PDSS2: variants seen among roughly 807,000 people sequenced by gnomAD.
PDSS2 encodes decaprenyl diphosphate synthase subunit 2.
Under a neutral mutation model 44.5 loss-of-function variants are expected in PDSS2, and 31 were observed. The observed-to-expected ratio is 0.70, with a 90% CI of 0.52 to 0.94. The LOEUF (loss-of-function observed/expected upper bound fraction) is 0.94, where lower values mean the gene tolerates loss of function less well. Ranked by LOEUF, PDSS2 falls within the 40% of genes least tolerant of loss-of-function variation. PDSS2 has a pLI of 0.00. For synonymous variants in PDSS2, 157 were observed against 180.3 expected (o/e 0.87, Z 1.03); for missense variants, 452 against 482.2 (o/e 0.94, Z 0.59).
chr6:107,187,582 T>C (rs1265723629), intron 7 of PDSS2, among the ~76,000 whole-genome samples: 3 of 151,716 alleles, frequency 2.0e-5, no homozygotes, highest in African/African-American at 7.3e-5. Flanking sequence ...GGAGATTGCT[T>C]GAACCCAGGA....
At chr6:107,263,780 T>C (rs188322475) in intron 3 of PDSS2, among the ~76,000 whole-genome samples, 4 of 152,328 alleles carry the variant, frequency 2.6e-5, no homozygotes, top group African/African-American at 9.6e-5. Context: ...GTGACTATAT[T>C]AGCAAATCAG....
intron 3 of PDSS2, among the ~76,000 whole-genome samples, chr6:107,250,050 A>G (rs1271735522): frequency 6.6e-6 from 1 of 152,102 alleles, no homozygotes; most frequent in Non-Finnish European, 1.5e-5. Flanking sequence ...ATGATTTTTT[A>G]CACTGAAAAA....
intron 1 of PDSS2, among the ~76,000 whole-genome samples, chr6:107,374,252 A>AC (rs1162672721): frequency 9.3e-6 from 1 of 107,562 alleles, no homozygotes; most frequent in Non-Finnish European, 2.2e-5. Context: ...AGACTCCATC[A>AC]CAAAAAAAAA....
intron 2 of PDSS2, among the ~76,000 whole-genome samples, chr6:107,288,850 A>G (rs911732593): frequency 7.3e-6 from 1 of 137,224 alleles, no homozygotes; most frequent in African/African-American, 2.8e-5. Context: ...ACCTCCGCCT[A>G]CCGGATTCAA....
At chr6:107,168,209 A>T (rs1229692583) in intron 7 of PDSS2, among the ~76,000 whole-genome samples, 1 of 152,102 alleles carries the variant, frequency 6.6e-6, no homozygotes, top group Non-Finnish European at 1.5e-5. Context: ...TCTTGTTGAA[A>T]TGATCCCTTT....
intron 2 of PDSS2, among the ~76,000 whole-genome samples, chr6:107,316,043 T>TA (rs1221406421): frequency 3.3e-5 from 5 of 152,266 alleles, no homozygotes; most frequent in South Asian, 2.1e-4. Flanking sequence ...TGGATCATGT[T>TA]AAAAAAATAA....
At chr6:107,169,753 T>C (rs1204589007) in intron 7 of PDSS2, among the ~76,000 whole-genome samples, 1 of 152,194 alleles carries the variant, frequency 6.6e-6, no homozygotes, top group Non-Finnish European at 1.5e-5. Flanking sequence ...CTCCAGACCC[T>C]GTTTGCCTGG....
At chr6:107,457,323 G>C (rs1365016819) in intron 1 of PDSS2, among the ~76,000 whole-genome samples, 1 of 152,164 alleles carries the variant, frequency 6.6e-6, no homozygotes, top group Non-Finnish European at 1.5e-5. Flanking sequence ...TTACCATTGG[G>C]AGAAACAGGG....
chr6:107,331,927 T>C (rs1044408300), intron 2 of PDSS2, among the ~76,000 whole-genome samples: 5 of 151,928 alleles, frequency 3.3e-5, no homozygotes, highest in Non-Finnish European at 5.9e-5. Context: ...GTCAGCAGAC[T>C]GAAAATCAAT....
intron 2 of PDSS2, among the ~76,000 whole-genome samples, chr6:107,293,415 G>A (rs555129836): frequency 2.6e-5 from 4 of 152,324 alleles, no homozygotes; most frequent in African/African-American, 9.6e-5. Flanking sequence ...CACATTCTGT[G>A]TCAAAGTTTT....
intron 4 of PDSS2, among the ~76,000 whole-genome samples, chr6:107,243,283 C>A (rs1456206797): frequency 6.6e-6 from 1 of 152,106 alleles, no homozygotes; most frequent in Non-Finnish European, 1.5e-5. Flanking sequence ...AATGGGAATA[C>A]CAACAAATGT....
rs543590329 is a variant in PDSS2, at chr6:107,425,395, A to G, written c.296+33595T>C. 2.6e-5 allele frequency among the ~76,000 whole-genome samples: 4 copies of G among 152,356 alleles called. No individual in the cohort carries two copies. In the South Asian group the frequency reaches 8.3e-4, roughly 32 times the overall value. On this transcript the variant is annotated intron_variant, in intron 1 of 7. Transcript: ENST00000369037. ...TTGAATGGCTTTGACAAAAATGCTG[A>G]CAGTGATATGAACAATAAGATCCAG...
At chr6:107,329,499 C>T (rs1024278822) in intron 2 of PDSS2, among the ~76,000 whole-genome samples, 2 of 152,158 alleles carry the variant, frequency 1.3e-5, no homozygotes, top group Non-Finnish European at 2.9e-5. Context: ...GTTCACAGGG[C>T]ATTCTCCCTG....
At chr6:107,337,610 T>C (rs923845067) in intron 1 of PDSS2, among the ~76,000 whole-genome samples, 2 of 152,186 alleles carry the variant, frequency 1.3e-5, no homozygotes, top group Non-Finnish European at 2.9e-5. Context: ...AAGCACATGG[T>C]TGGTGATCAA....
intron 1 of PDSS2, among the ~76,000 whole-genome samples, chr6:107,340,181 AAAT>A (rs1266167557): frequency 6.6e-6 from 1 of 152,216 alleles, no homozygotes; most frequent in Non-Finnish European, 1.5e-5. Flanking sequence ...CACTAATTTT[AAAT>A]AATATTATTC....
intron 4 of PDSS2, among the ~76,000 whole-genome samples, chr6:107,240,863 T>C (rs1327629560): frequency 6.6e-6 from 1 of 152,076 alleles, no homozygotes; most frequent in Admixed American, 6.6e-5. Flanking sequence ...AATGAGCAAA[T>C]GGTTCACAAA....
intron 1 of PDSS2, among the ~76,000 whole-genome samples, chr6:107,425,422 C>A (rs1780966070): frequency 1.3e-5 from 2 of 152,134 alleles, no homozygotes; most frequent in African/African-American, 4.8e-5. Context: ...AAGATCCAGG[C>A]TGAGGTGGTC....
intron 2 of PDSS2, among the ~76,000 whole-genome samples, chr6:107,287,826 T>C (rs966381446): frequency 2.0e-5 from 3 of 149,364 alleles, no homozygotes; most frequent in African/African-American, 7.4e-5. Context: ...TGGCCCAAAT[T>C]TTTATTGTAT....
chr6:107,359,501 G>A (rs956316287), intron 1 of PDSS2, among the ~76,000 whole-genome samples: 3 of 151,652 alleles, frequency 2.0e-5, no homozygotes, highest in African/African-American at 7.3e-5. Context: ...GCACACACCT[G>A]TAATCCCAGC....
Sources: allele counts gnomAD v4.1 joint callset (sites outside exome capture counted in the v4.1 genomes callset), GRCh38; gene constraint gnomAD v4.1.1; transcripts MANE v1.5; gene names NCBI Gene and HGNC (gene_info 2026-07-23, HGNC 2026-07-21).